Variants in RBM25 observed in about 807,000 individuals in gnomAD.
RBM25 encodes RNA binding motif protein 25, also known as RNA-binding protein 25.
Under a neutral mutation model 120.7 loss-of-function variants are expected in RBM25, and 19 were observed. The observed-to-expected ratio is 0.16, with a 90% confidence interval of 0.11 to 0.23. The LOEUF (loss-of-function observed/expected upper bound fraction) is 0.23. RBM25 is among the 10% of genes least tolerant of loss of function. RBM25 has a pLI of 1.00. For synonymous variants in RBM25, 390 were observed against 326.7 expected (o/e 1.19, Z -2.09); for missense variants, 605 against 1,041.5 (o/e 0.58, Z 5.77).
intron 5 of RBM25, among the ~76,000 whole-genome samples, chr14:73,084,249 C>G (rs1029479982): frequency 2.0e-5 from 3 of 152,078 alleles, no homozygotes; most frequent in Admixed American, 6.6e-5. Flanking sequence ...TATATGAAGT[C>G]CACACATTGC....
At position 73,109,364 on chromosome 14, in the gene RBM25, T is replaced by C; in HGVS notation, c.1564T>C (p.Leu522=). 6.2e-7 allele frequency: 1 copy of C among 1,613,702 alleles called. No homozygotes were observed. The highest frequency in any genetic ancestry group is 2.2e-5 in the East Asian group (1 of 44,854). The stretch of plus-strand genomic sequence containing the variant: ...CAGAGGAAGTGCTCTTCAGAAAAGG[T>C]TGCGTGATAGAGAAAAGGAAATGGA... ...YYRGSALQKR[L]RDREKEMEAD... is the part of the protein sequence containing the mutation. Residue 522 remains leucine, a synonymous_variant, in exon 14 of 19, where the codon TTG becomes CTG. Coordinates refer to ENST00000261973, the MANE Select transcript of RBM25 (RefSeq NM_021239.3).
In RBM25 at chr14:73,122,558, G is replaced by C. The variant is rs1412018604; in HGVS notation, c.*2753G>C. On this transcript the variant is annotated 3_prime_UTR_variant, in exon 19 of 19. Transcript: ENST00000261973. ...CCCAAAGTGCTGGTATTACAGGCGT[G>C]AGCCACCTTGCCTGGCCAAAGCGTG... The C allele has an allele frequency of 6.6e-6, 1 of 152,164 alleles. No individual in the cohort carries two copies. The highest frequency in any genetic ancestry group is 1.5e-5 in the Non-Finnish European group (1 of 68,064). The allele number at this position is 152,164 out of a possible 1,614,324, so 9.4% of individuals were successfully genotyped here. A position where few individuals can be genotyped will look rare whatever the true frequency, so the allele number is the denominator to read the frequency against.
intron 1 of RBM25, among the ~76,000 whole-genome samples, chr14:73,069,284 A>G (rs928957707): frequency 1.5e-4 from 23 of 152,262 alleles, no homozygotes; most frequent in Middle Eastern, 3.2e-3. Context: ...TTGGTTGTAG[A>G]AAAATAAAAA....
chr14:73,102,114 A>G (rs542670271), intron 9 of RBM25: 5 of 152,364 alleles, frequency 3.3e-5, no homozygotes, highest in African/African-American at 1.2e-4. Flanking sequence ...TTTTAAATGC[A>G]TTACATGACT....
At chr14:73,064,947 A>G (rs1035484021) in intron 1 of RBM25, 2 of 150,134 alleles carry the variant, frequency 1.3e-5, no homozygotes, top group Non-Finnish European at 1.5e-5. Context: ...AAGAATATAG[A>G]GTTTTACTTT....
chr14:73,072,469 A>G (rs1895319160), intron 2 of RBM25, among the ~76,000 whole-genome samples: 1 of 152,186 alleles, frequency 6.6e-6, no homozygotes, highest in Admixed American at 6.6e-5. Context: ...TGTATATTAT[A>G]AGTCAATATA....
chr14:73,109,405 T>C lies in RBM25; in HGVS notation c.1605T>C (p.Asp535=). The C allele has an allele frequency of 1.2e-6, 2 of 1,613,646 alleles. No individual in the cohort carries two copies. Among genetic ancestry groups the C allele is most frequent in the South Asian group, 2.2e-5 (2 of 91,064 alleles). ...REKEMEADER[D]RKREKEELEE... Reference sequence around the variant, plus strand: ...AGGAAATGGAAGCAGATGAACGAGATAGGAAGAGAGAGAAGGAGGAGCTTG... The same window carrying C: ...AGGAAATGGAAGCAGATGAACGAGACAGGAAGAGAGAGAAGGAGGAGCTTG... Residue 535 remains aspartate (D), a synonymous_variant, in exon 14 of 19, where the codon GAT becomes GAC. Coordinates refer to ENST00000261973, the MANE Select transcript of RBM25 (RefSeq NM_021239.3).
chr14:73,113,010 T>C (rs969676572), intron 17 of RBM25, among the ~76,000 whole-genome samples: 7 of 152,044 alleles, frequency 4.6e-5, no homozygotes, highest in Non-Finnish European at 1.0e-4. Flanking sequence ...TACTTTAAAT[T>C]CTAGGATACA....
Position 73,120,647 on chromosome 14 carries a change from T to A in RBM25, c.*842T>A, listed in dbSNP as rs1189027410. ...GAAATGAGGCATATCCTAAAAATCC[T>A]GGAGAGCTGTATTTAATGCATTTTT... is the stretch of plus-strand genomic sequence containing the variant. On this transcript the variant is annotated 3_prime_UTR_variant, in exon 19 of 19. Transcript: ENST00000261973. 1.3e-5 allele frequency: 2 copies of A among 152,214 alleles called. No homozygotes were observed. The highest frequency in any genetic ancestry group is 2.9e-5 in the Non-Finnish European group (2 of 68,020). 9.4% of individuals were successfully genotyped at this position (152,214 alleles called of 1,614,324 possible). A position where few individuals can be genotyped will look rare whatever the true frequency, so the allele number is the denominator to read the frequency against.
At chr14:73,117,098 C>G (rs1896444834) in intron 18 of RBM25, among the ~76,000 whole-genome samples, 2 of 151,112 alleles carry the variant, frequency 1.3e-5, no homozygotes, top group Admixed American at 1.3e-4. Flanking sequence ...CAGAGTTCTT[C>G]AACTAAAGTC....
chr14:73,108,589 TC>T (rs1406006635), intron 13 of RBM25, among the ~76,000 whole-genome samples: 1 of 152,220 alleles, frequency 6.6e-6, no homozygotes, highest in Non-Finnish European at 1.5e-5. Flanking sequence ...GTTTTGTTCT[TC>T]CTTCCATCCA....
intron 6 of RBM25, among the ~76,000 whole-genome samples, 159 bp from the exon 7 acceptor site, chr14:73,096,756 T>C (rs560460070): frequency 3.9e-5 from 6 of 152,288 alleles, no homozygotes; most frequent in African/African-American, 1.4e-4. Flanking sequence ...AATAAAAAAA[T>C]GAAGCTTTTC....
chr14:73,063,644 C>T (rs1025745515), intron 1 of RBM25, among the ~76,000 whole-genome samples: 4 of 151,308 alleles, frequency 2.6e-5, no homozygotes, highest in African/African-American at 9.7e-5. Flanking sequence ...CAGGATCCAA[C>T]AACTTGATAG....
At chr14:73,071,853 C>T (rs1278766196) in intron 2 of RBM25, 106 bp downstream of exon 2, 8 of 851,136 alleles carry the variant, frequency 9.4e-6, no homozygotes, top group Non-Finnish European at 1.5e-5. Flanking sequence ...GAAGATGCCT[C>T]TCAGCGTTGT....
intron 6 of RBM25, among the ~76,000 whole-genome samples, chr14:73,094,868 G>A (rs1895905852): frequency 6.6e-6 from 1 of 150,874 alleles, no homozygotes; most frequent in African/African-American, 2.4e-5. Flanking sequence ...TGTTTTTGAT[G>A]GGGGTGGAGA....
At chr14:73,108,368 A>G (rs1246642259) in intron 13 of RBM25, among the ~76,000 whole-genome samples, 1 of 152,192 alleles carries the variant, frequency 6.6e-6, no homozygotes, top group Non-Finnish European at 1.5e-5. Context: ...CAATTTTTAT[A>G]GCAAGTTACA....
At chr14:73,091,611 CCTGTAATCCCAA>C (rs1297280831) in intron 6 of RBM25, among the ~76,000 whole-genome samples, 1 of 152,104 alleles carries the variant, frequency 6.6e-6, no homozygotes, top group East Asian at 1.9e-4. Context: ...GTGGCTCACA[CCTGTAATCCCAA>C]CACTTTGGGA....
chr14:73,108,585 T>A (rs184629998), intron 13 of RBM25, among the ~76,000 whole-genome samples: 64 of 152,370 alleles, frequency 4.2e-4, no homozygotes, highest in Admixed American at 1.7e-3. Flanking sequence ...GCTTGTTTTG[T>A]TCTTCCTTCC....
At chr14:73,060,324 C>G (rs1012605796) in intron 1 of RBM25, among the ~76,000 whole-genome samples, 2 of 151,484 alleles carry the variant, frequency 1.3e-5, no homozygotes, top group African/African-American at 4.8e-5. Flanking sequence ...CGTGAGCCAC[C>G]GTGCCCGGCC....
Sources: gnomAD v4.1 joint callset for allele counts (sites outside exome capture counted in the v4.1 genomes callset) on GRCh38, gnomAD v4.1.1 for gene constraint, MANE v1.5 for transcripts, NCBI Gene and HGNC (gene_info 2026-07-23, HGNC 2026-07-21) for gene names.